Variants in LAMC3 observed in about 807,000 individuals in gnomAD.
LAMC3 encodes laminin subunit gamma-3.
Under a neutral mutation model 173.8 loss-of-function variants are expected in LAMC3, and 128 were observed. That is an observed-to-expected ratio of 0.74 (90% CI 0.64 to 0.85). LAMC3 has a LOEUF of 0.85. Among genes scored for constraint, LAMC3 ranks in the 40% least tolerant of loss-of-function variants. The pLI is 0.00. For synonymous variants in LAMC3, 897 were observed against 909.1 expected (o/e 0.99, Z 0.24); for missense variants, 2,022 against 2,156.0 (o/e 0.94, Z 1.23).
intron 14 of LAMC3, among the ~76,000 whole-genome samples, chr9:131,067,624 C>A (rs953436504): frequency 6.6e-6 from 1 of 152,216 alleles, no homozygotes; most frequent in Admixed American, 6.5e-5. Flanking sequence ...CACTGATGTG[C>A]TTGGAGCCCT....
At position 131,026,156 on chromosome 9, in the gene LAMC3, C is replaced by T; in HGVS notation, c.374-129C>T. The T allele has an allele frequency of 6.5e-7, 1 of 1,536,314 alleles. No homozygotes were observed. Among genetic ancestry groups the T allele is most frequent in the African/African-American group, 1.4e-5 (1 of 72,854 alleles). On this transcript the variant is annotated intron_variant, in intron 1 of 27. Transcript: ENST00000361069. The surrounding 1 kb of genome is among the most constrained non-coding windows in gnomAD (Gnocchi z 4.8). The stretch of plus-strand genomic sequence containing the variant: ...TGAATGGAGGGTGGCTTCCCCTGTC[C>T]AGAGCTCCAGACAGCTTCCAGCGAT...
In LAMC3 at chr9:131,085,779, T is replaced by TTCCCGACA. The variant is rs1830321891; in HGVS notation, c.4230+59_4230+60insCGACATCC. The TTCCCGACA allele has an allele frequency of 3.3e-5, 51 of 1,538,896 alleles. No individual in the cohort carries two copies. The South Asian group carries it at 5.4e-4, about 16-fold the overall frequency. On this transcript the variant is annotated intron_variant, in intron 25 of 27. Coordinates refer to ENST00000361069, the MANE Select transcript of LAMC3 (RefSeq NM_006059.4). Reference sequence around the variant, plus strand: ...TCCTTCCCTCCCGGGGGGACCGCCCTTCCGCGGGCCCCTTCCCGACATCCG... The same window carrying TTCCCGACA: ...TCCTTCCCTCCCGGGGGGACCGCCCTTCCCGACATCCGCGGGCCCCTTCCCGACATCCG...
chr9:131,073,437 G>A, intron 20 of LAMC3, 116 bp downstream of exon 20: 2 of 784,472 alleles, frequency 2.5e-6, no homozygotes, highest in South Asian at 2.8e-5. Context: ...TACAAGAGCT[G>A]TCTGATGGAG....
intron 20 of LAMC3, among the ~76,000 whole-genome samples, chr9:131,074,318 A>C (rs1830085884): frequency 6.6e-6 from 1 of 152,026 alleles, no homozygotes; most frequent in Admixed American, 6.6e-5. Context: ...CAGTTGAATA[A>C]TATCCCATTG....
chr9:131,072,883 G>T (rs777764849), intron 19 of LAMC3, 48 bp downstream of exon 19: 2 of 1,546,160 alleles, frequency 1.3e-6, no homozygotes, highest in African/African-American at 2.7e-5. Context: ...CTGGGCATTG[G>T]TCCCTGCCCC....
In LAMC3 at chr9:131,054,296, C is replaced by A. The variant is rs79622532; in HGVS notation, c.1939+1331C>A. On this transcript the variant is annotated intron_variant, in intron 11 of 27. Coordinates refer to ENST00000361069, the MANE Select transcript of LAMC3 (RefSeq NM_006059.4). ...GTCTTCCCCTGGGCCTCTTTTGAGTCCAAGGGTGCTGGGATGCCCTGGAGA... is the reference window on the plus strand; with the variant it reads ...GTCTTCCCCTGGGCCTCTTTTGAGTACAAGGGTGCTGGGATGCCCTGGAGA... Among the ~76,000 whole-genome samples the A allele has an allele frequency of 3.7e-4, 57 of 152,192 alleles. No individual in the cohort carries two copies. The East Asian group carries it at 9.9e-3, about 26-fold the overall frequency.
In LAMC3 at chr9:131,077,251, G is replaced by A. The variant is rs1187094846; in HGVS notation, c.3694G>A (p.Ala1232Thr). 1.9e-6 allele frequency: 3 copies of A among 1,614,048 alleles called. No homozygotes were observed. Among genetic ancestry groups the A allele is most frequent in the Admixed American group, 3.3e-5 (2 of 60,024 alleles). Residue 1232 changes from alanine (A) to threonine (T), a missense_variant, in exon 22 of 28, where the codon GCG (alanine) becomes ACG (threonine). Ala to Thr is a moderately conservative substitution (Grantham distance 58). Transcript: ENST00000361069. ...RTAVAEVLPE[A>T]ESVLATVQQV... is the part of the protein sequence containing the mutation. ...GGCTGTGGCAGAGGTGCTGCCTGAA[G>A]CGGAAAGCGTGTTGGCCACCGTGCA...
chr9:131,067,018 G>A lies in LAMC3; in HGVS notation c.2406G>A (p.Gly802=), dbSNP rs2133312232. The A allele has an allele frequency of 2.5e-6, 4 of 1,613,974 alleles. No homozygotes were observed. The highest frequency in any genetic ancestry group is 4.5e-5 in the East Asian group (2 of 44,866). The change falls in exon 14 of 28, where the codon GGG becomes GGA. Residue 802 remains glycine, a synonymous_variant. Coordinates refer to ENST00000361069, the MANE Select transcript of LAMC3 (RefSeq NM_006059.4). ...GFFGDPLGLF[G]HPQPCHQCQC... ...TTGGGGACCCGCTGGGGCTCTTTGGGCACCCCCAGCCCTGCCACCAGTGCC... is the reference window on the plus strand; with the variant it reads ...TTGGGGACCCGCTGGGGCTCTTTGGACACCCCCAGCCCTGCCACCAGTGCC...
chr9:131,009,469 C>G lies in LAMC3; in HGVS notation c.255C>G (p.His85Gln). 1 of 1,548,860 alleles carries G rather than the reference C, an allele frequency of 6.5e-7. No individual in the cohort carries two copies. Residue 85 changes from histidine (H) to glutamine (Q), a missense_variant, in exon 1 of 28, where the codon CAC (histidine) becomes CAG (glutamine). By Grantham distance (24) the His-to-Gln change is conservative. Transcript: ENST00000361069. This position sits in a 1 kb window ranked among gnomAD's most constrained non-coding sequence, Gnocchi z 4.3. ...GCGACGCCGCCGACCCCCAGCGCCA[C>G]CACAACGCCTCCTACCTCACCGACT... ...QRCDAADPQRHHNASYLTDFH... is the reference protein window; with the variant it reads ...QRCDAADPQRQHNASYLTDFH...
At chr9:131,056,568 G>A (rs1239437445) in intron 11 of LAMC3, among the ~76,000 whole-genome samples, 1 of 151,562 alleles carries the variant, frequency 6.6e-6, no homozygotes, top group African/African-American at 2.4e-5. Context: ...GCCAAGGCAG[G>A]AGGATTACTT....
rs745841004 is a variant in LAMC3 at position 131,061,059 on chromosome 9, C to T, written c.2183C>T (p.Thr728Ile). ...GGGATCTGTGTCTGCAGCCACCATA[C>T]CGAGGGCCCATCCTGTGAACGCTGT... ...NTGICVCSHH[T>I]EGPSCERCLP... The change falls in exon 13 of 28, where the codon ACC becomes ATC. Residue 728 changes from threonine (T) to isoleucine (I), a missense_variant. Transcript: ENST00000361069. The T allele has an allele frequency of 6.2e-7, 1 of 1,614,178 alleles. No homozygotes were observed. The highest frequency in any genetic ancestry group is 8.5e-7 in the Non-Finnish European group (1 of 1,180,024).
At chr9:131,071,859 C>T (rs1280145328) in intron 18 of LAMC3, among the ~76,000 whole-genome samples, 2 of 152,230 alleles carry the variant, frequency 1.3e-5, no homozygotes, top group Non-Finnish European at 2.9e-5. Flanking sequence ...TTTATTCACT[C>T]CCTCCACAGG....
intron 11 of LAMC3, among the ~76,000 whole-genome samples, chr9:131,053,924 C>T (rs1588153432): frequency 1.3e-5 from 2 of 151,758 alleles, no homozygotes; most frequent in South Asian, 2.1e-4. Flanking sequence ...ACTGGAGGAT[C>T]GCTTGAGCCC....
intron 8 of LAMC3, among the ~76,000 whole-genome samples, chr9:131,048,716 G>A (rs1834223859): frequency 6.6e-6 from 1 of 152,172 alleles, no homozygotes; most frequent in South Asian, 2.1e-4. Context: ...TGAGGTCACA[G>A]GTGAGAAAGT....
chr9:131,009,716 G>T lies in LAMC3; in HGVS notation c.373+129G>T, dbSNP rs1011832186. The T allele has an allele frequency of 8.2e-5, 95 of 1,163,666 alleles. No homozygotes were observed. In the African/African-American group the frequency reaches 1.4e-3, roughly 17 times the overall value. The allele number at this position is 1,163,666 out of a possible 1,614,324, so 72.1% of individuals were successfully genotyped here. ...ACCCAGATATGGTGTTGGATGGAGG[G>T]GCTCAGAAATAGGAATTAGGCTGGG... On this transcript the variant is annotated intron_variant, in intron 1 of 27. Transcript: ENST00000361069. This position sits in a 1 kb window ranked among gnomAD's most constrained non-coding sequence, Gnocchi z 4.3.
chr9:131,092,000 G>C lies in LAMC3; in HGVS notation c.*213G>C, dbSNP rs2133358979. On this transcript the variant is annotated 3_prime_UTR_variant, in exon 28 of 28. Transcript: ENST00000361069. The stretch of plus-strand genomic sequence containing the variant: ...GTGCGTACCCAGTTCACCTGGACAT[G>C]AGTGCACACTCTCACCCCTGCACAT... 3 of 618,274 alleles carry C rather than the reference G, an allele frequency of 4.9e-6. No homozygotes were observed. In the South Asian group the frequency reaches 5.8e-5, roughly 12 times the overall value. 38.3% of individuals were successfully genotyped at this position (618,274 alleles called of 1,614,324 possible). A position where few individuals can be genotyped will look rare whatever the true frequency, so the allele number is the denominator to read the frequency against.
intron 1 of LAMC3, among the ~76,000 whole-genome samples, chr9:131,014,915 C>T (rs1215306896): frequency 1.3e-5 from 2 of 152,078 alleles, no homozygotes; most frequent in African/African-American, 2.4e-5. Flanking sequence ...CCTGGGAGTT[C>T]GAGGCTGTAG....
Position 131,071,499 on chromosome 9 carries a change from G to A in LAMC3, c.3085G>A (p.Ala1029Thr). The A allele has an allele frequency of 6.2e-7, 1 of 1,613,890 alleles. No homozygotes were observed. Among genetic ancestry groups the A allele is most frequent in the Non-Finnish European group, 8.5e-7 (1 of 1,179,912 alleles). ...LVKEEAAKLK[A>T]RLTLTEGWLQ... is the part of the protein sequence containing the mutation. Reference sequence around the variant, plus strand: ...TCCTCTCCAGGCAGCCAAGCTGAAGGCCAGACTGACTTTGACGGAGGGGTG... The same window carrying A: ...TCCTCTCCAGGCAGCCAAGCTGAAGACCAGACTGACTTTGACGGAGGGGTG... The change falls in exon 18 of 28, where the codon GCC becomes ACC. Residue 1029 changes from alanine (A) to threonine (T), a missense_variant. Coordinates refer to ENST00000361069, the MANE Select transcript of LAMC3 (RefSeq NM_006059.4).
chr9:131,036,197 G>A lies in LAMC3; in HGVS notation c.841G>A (p.Gly281Ser), dbSNP rs369660174. ...GTGCAACGGGCATGCCAGCGAGTGCGGCCCCGACGTGGCAGGCCAGTTGGC... is the reference window on the plus strand; with the variant it reads ...GTGCAACGGGCATGCCAGCGAGTGCAGCCCCGACGTGGCAGGCCAGTTGGC... ...CKCNGHASEC[G>S]PDVAGQLACR... The change falls in exon 4 of 28, where the codon GGC (glycine) becomes AGC (serine). Residue 281 changes from glycine to serine, a missense_variant. Gly to Ser is a moderately conservative substitution (Grantham distance 56, BLOSUM62 0). Transcript: ENST00000361069. 2.2e-5 allele frequency: 35 copies of A among 1,613,042 alleles called. No homozygotes were observed. Among genetic ancestry groups the A allele is most frequent in the African/African-American group, 4.0e-5 (3 of 74,892 alleles).
Sources: gnomAD v4.1 joint callset for allele counts (sites outside exome capture counted in the v4.1 genomes callset) on GRCh38, gnomAD v4.1.1 for gene constraint, Gnocchi (gnomAD v3.1) non-coding constraint, MANE v1.5 for transcripts, NCBI Gene and HGNC (gene_info 2026-07-23, HGNC 2026-07-21) for gene names.